The following STX1B variants were observed in gnomAD, a reference collection of about 807,000 sequenced individuals.
The protein encoded by STX1B is syntaxin 1B.
STX1B carries 7 observed loss-of-function variants against 39.4 expected under a neutral mutation model. That is an observed-to-expected ratio of 0.18 (90% CI 0.10 to 0.33). STX1B has a LOEUF of 0.33. Ranked by LOEUF, STX1B falls within the 10% of genes least tolerant of loss-of-function variation. STX1B has a pLI of 1.00. For synonymous variants in STX1B, 136 were observed against 144.1 expected (o/e 0.94, Z 0.40); for missense variants, 198 against 383.2 (o/e 0.52, Z 4.04).
At chr16:30,996,516 T>A in intron 7 of STX1B, 167 bp downstream of exon 7, 1 of 634,668 alleles carries the variant, frequency 1.6e-6, no homozygotes, top group South Asian at 1.9e-5. Context: ...CTCCGTCATC[T>A]GATGGGGGTG....
At position 30,989,931 on chromosome 16, in the gene STX1B, G is replaced by C. The variant is rs1366059903; in HGVS notation, c.*2890C>G. Reference sequence around the variant, plus strand: ...TGGGCTCAATGGTTGCAGGCGCCTGGGCAGGTAGCACACATTTGTCCAAGA... The same window carrying C: ...TGGGCTCAATGGTTGCAGGCGCCTGCGCAGGTAGCACACATTTGTCCAAGA... On this transcript the variant is annotated 3_prime_UTR_variant, in exon 10 of 10. Coordinates refer to ENST00000215095, the MANE Select transcript of STX1B (RefSeq NM_052874.5). The C allele has an allele frequency of 6.6e-6, 1 of 152,274 alleles. No individual in the cohort carries two copies. Among genetic ancestry groups the C allele is most frequent in the East Asian group, 1.9e-4 (1 of 5,186 alleles). 9.4% of individuals were successfully genotyped at this position (152,274 alleles called of 1,614,324 possible). A position where few individuals can be genotyped will look rare whatever the true frequency, so the allele number is the denominator to read the frequency against.
In STX1B at chr16:31,001,580, CTCT is replaced by C; in HGVS notation, c.51_53del (p.Glu19del). ...GGTCCCGATCCACGTGGACCACCTC[CTCT>C]TCATCATCACTGTCTTTCGCCTGGG... is the stretch of plus-strand genomic sequence containing the variant. On this transcript the variant is annotated inframe_deletion, in exon 2 of 10. Coordinates refer to ENST00000215095, the MANE Select transcript of STX1B (RefSeq NM_052874.5). The surrounding 1 kb of genome is among the most constrained non-coding windows in gnomAD (Gnocchi z 5.5). The C allele has an allele frequency of 6.2e-7, 1 of 1,613,544 alleles. No homozygotes were observed. Among genetic ancestry groups the C allele is most frequent in the Non-Finnish European group, 8.5e-7 (1 of 1,179,898 alleles).
intron 9 of STX1B, 100 bp from the exon 10 acceptor site, chr16:30,993,001 G>T: frequency 7.5e-7 from 1 of 1,327,172 alleles, no homozygotes. Flanking sequence ...GGAGAAGAGG[G>T]GAGAGAAAAC....
chr16:30,999,048 C>T (rs1189449682), intron 4 of STX1B, among the ~76,000 whole-genome samples: 1 of 152,104 alleles, frequency 6.6e-6, no homozygotes, highest in East Asian at 1.9e-4. Flanking sequence ...TTTTGATGCC[C>T]TCCACCCCCC....
chr16:30,993,100 G>C (rs944066119), intron 9 of STX1B, 30 bp downstream of exon 9: 1 of 1,605,216 alleles, frequency 6.2e-7, no homozygotes, highest in South Asian at 1.1e-5. Context: ...GGGCTCCCCC[G>C]CCTACCCCCA....
In STX1B at chr16:31,001,485, TGCTGGG is replaced by T. The variant is rs759395603; in HGVS notation, c.105+38_105+43del. 4.5e-5 allele frequency: 61 copies of T among 1,366,074 alleles called. 1 individual carries two copies. The highest frequency in any genetic ancestry group is 2.6e-4 in the Middle Eastern group (1 of 3,780). The allele number at this position is 1,366,074 out of a possible 1,614,324, so 84.6% of individuals were successfully genotyped here. A position where few individuals can be genotyped will look rare whatever the true frequency, so the allele number is the denominator to read the frequency against. On this transcript the variant is annotated intron_variant, in intron 2 of 9. Transcript: ENST00000215095. This position sits in a 1 kb window ranked among gnomAD's most constrained non-coding sequence, Gnocchi z 5.5. ...GGTGGGACTAGGGGCTGGGGCTGGGTGCTGGGGCTGGGGCTGGGGCTGGGGGCCTTG... is the reference window on the plus strand; with the variant it reads ...GGTGGGACTAGGGGCTGGGGCTGGGTGCTGGGGCTGGGGCTGGGGGCCTTG...
rs61239537 is a variant in STX1B, at chr16:31,001,492, G to A, written c.105+37C>T. ...CTAGGGGCTGGGGCTGGGTGCTGGG[G>A]CTGGGGCTGGGGCTGGGGGCCTTGG... On this transcript the variant is annotated intron_variant, in intron 2 of 9. Transcript: ENST00000215095. This position sits in a 1 kb window ranked among gnomAD's most constrained non-coding sequence, Gnocchi z 5.5. The A allele has an allele frequency of 8.8e-6, 13 of 1,472,102 alleles. No individual in the cohort carries two copies. Among genetic ancestry groups the A allele is most frequent in the East Asian group, 2.3e-5 (1 of 43,728 alleles). The allele number at this position is 1,472,102 out of a possible 1,614,324, so 91.2% of individuals were successfully genotyped here. A position where few individuals can be genotyped will look rare whatever the true frequency, so the allele number is the denominator to read the frequency against.
In STX1B at chr16:30,996,731, T is replaced by C; in HGVS notation, c.489A>G (p.Glu163=). The C allele has an allele frequency of 6.2e-7, 1 of 1,614,150 alleles. No homozygotes were observed. Among genetic ancestry groups the C allele is most frequent in the African/African-American group, 1.3e-5 (1 of 75,066 alleles). ...EITGRTTTNE[E]LEDMLESGKL... Reference sequence around the variant, plus strand: ...TCCCGCTCTCCAGCATGTCTTCCAGTTCTTCGTTGGTGGTGGTCCTTCCAG... The same window carrying C: ...TCCCGCTCTCCAGCATGTCTTCCAGCTCTTCGTTGGTGGTGGTCCTTCCAG... Residue 163 remains glutamate (E), a synonymous_variant, in exon 7 of 10, where the codon GAA becomes GAG. Coordinates refer to ENST00000215095, the MANE Select transcript of STX1B (RefSeq NM_052874.5).
At chr16:30,996,592 C>T in intron 7 of STX1B, 91 bp downstream of exon 7, 1 of 1,189,472 alleles carries the variant, frequency 8.4e-7, no homozygotes, top group Non-Finnish European at 1.2e-6. Context: ...CTCATTTTTC[C>T]AGGGTGGACT....
intron 7 of STX1B, among the ~76,000 whole-genome samples, chr16:30,996,015 C>CA (rs1434273899): frequency 6.6e-6 from 1 of 151,578 alleles, no homozygotes; most frequent in East Asian, 1.9e-4. Flanking sequence ...CCCATCTCTA[C>CA]AAAAAAAGGT....
rs570420970 is a variant in STX1B, at chr16:30,989,872, C to G, written c.*2949G>C. On this transcript the variant is annotated 3_prime_UTR_variant, in exon 10 of 10. Coordinates refer to ENST00000215095, the MANE Select transcript of STX1B (RefSeq NM_052874.5). ...AGGAGCACTGAGCCCTGGCCAGGCCCGGGACCACCCGCAGGGCACACGTGG... is the reference window on the plus strand; with the variant it reads ...AGGAGCACTGAGCCCTGGCCAGGCCGGGGACCACCCGCAGGGCACACGTGG... 2 of 152,516 alleles carry G rather than the reference C, an allele frequency of 1.3e-5. No homozygotes were observed. The highest frequency in any genetic ancestry group is 4.8e-5 in the African/African-American group (2 of 41,532). 9.4% of individuals were successfully genotyped at this position (152,516 alleles called of 1,614,324 possible).
At chr16:30,993,633 C>A in intron 7 of STX1B, 149 bp from the exon 8 acceptor site, 2 of 901,924 alleles carry the variant, frequency 2.2e-6, no homozygotes, top group East Asian at 2.6e-5. Context: ...GTTTCCCCAC[C>A]TAGAAAATGT....
chr16:31,002,801 A>T (rs2056637441), intron 1 of STX1B, among the ~76,000 whole-genome samples: 1 of 152,218 alleles, frequency 6.6e-6, no homozygotes, highest in African/African-American at 2.4e-5. Flanking sequence ...GAACCCAGCC[A>T]GAGCTCAGAC....
At chr16:31,000,885 C>CTGT in intron 4 of STX1B, 43 bp downstream of exon 4, 2 of 1,607,974 alleles carry the variant, frequency 1.2e-6, no homozygotes, top group Non-Finnish European at 1.7e-6. Flanking sequence ...CATGCTCCAC[C>CTGT]CACAATTCTT....
rs575707170 is a variant in STX1B, at chr16:31,007,418, C to T, written c.30+2949G>A. The stretch of plus-strand genomic sequence containing the variant: ...GACCTCAGCCCTCCCTGTGCCCCTC[C>T]TGTCTTCTCCCATAACCCACCTTCC... On this transcript the variant is annotated intron_variant, in intron 1 of 9. Transcript: ENST00000215095. Among the ~76,000 whole-genome samples the T allele has an allele frequency of 1.8e-4, 28 of 152,304 alleles. No homozygotes were observed. The South Asian group carries it at 5.6e-3, about 30-fold the overall frequency.
At chr16:30,997,446 T>C in intron 5 of STX1B, 56 bp downstream of exon 5, 6 of 1,418,478 alleles carry the variant, frequency 4.2e-6, no homozygotes, top group Non-Finnish European at 5.8e-6. Context: ...GCCTCCAGCC[T>C]GGGCTCCTCC....
chr16:31,009,723 C>T (rs1314842479), intron 1 of STX1B, among the ~76,000 whole-genome samples: 2 of 151,708 alleles, frequency 1.3e-5, no homozygotes, highest in East Asian at 1.9e-4. Context: ...AAGCAGAGCA[C>T]GGCCCGTGTT....
rs144916619 is a variant in STX1B at position 31,003,328 on chromosome 16, C to T, written c.31-1725G>A. ...TCACAGCTGCCCCCAGAAAGTGGGG[C>T]GGCACAGGTGGCATAAGTTGGGGAC... On this transcript the variant is annotated intron_variant, in intron 1 of 9. Transcript: ENST00000215095. Among the ~76,000 whole-genome samples, 349 of 152,322 alleles carry T rather than the reference C, an allele frequency of 2.3e-3. 3 individuals are homozygous for T. Among genetic ancestry groups the T allele is most frequent in the African/African-American group, 7.8e-3 (323 of 41,572 alleles).
At chr16:30,996,644 A>AC in intron 7 of STX1B, 39 bp downstream of exon 7, 1 of 1,602,176 alleles carries the variant, frequency 6.2e-7, no homozygotes, top group Non-Finnish European at 8.5e-7. Context: ...GGGAGGCAAA[A>AC]ATTTTCCAAA....
Sources: gnomAD v4.1 joint callset for allele counts (sites outside exome capture counted in the v4.1 genomes callset) on GRCh38, gnomAD v4.1.1 for gene constraint, Gnocchi (gnomAD v3.1) non-coding constraint, MANE v1.5 for transcripts, NCBI Gene and HGNC (gene_info 2026-07-23, HGNC 2026-07-21) for gene names.